Variants in ARHGAP18 observed in about 807,000 individuals in gnomAD.
ARHGAP18 encodes the protein rho GTPase-activating protein 18.
In ARHGAP18, 67 loss-of-function variants were observed where a neutral mutation model predicts 86.2. That is an observed-to-expected ratio of 0.78 (90% CI 0.64 to 0.95). ARHGAP18 has a LOEUF of 0.95. Among genes scored for constraint, ARHGAP18 ranks in the 40% least tolerant of loss-of-function variants. ARHGAP18 has a pLI of 0.00. For missense variants in ARHGAP18, 691 were observed against 780.4 expected (o/e 0.89, Z 1.37); for synonymous variants, 283 against 280.4 (o/e 1.01, Z -0.09).
chr6:129,662,005 C>CTTGGTTT, intron 1 of ARHGAP18: 4 of 869,792 alleles, frequency 4.6e-6, no homozygotes, highest in Non-Finnish European at 5.5e-6. Context: ...ACACAAAGCC[C>CTTGGTTT]CTGAAACCAA....
chr6:129,604,813 T>C (rs960585469), intron 10 of ARHGAP18, among the ~76,000 whole-genome samples: 2 of 152,210 alleles, frequency 1.3e-5, no homozygotes, highest in Non-Finnish European at 2.9e-5. Flanking sequence ...CCTTTGGAAG[T>C]TCTCCTGTAG....
intron 5 of ARHGAP18, among the ~76,000 whole-genome samples, chr6:129,621,782 C>T (rs754763507): frequency 6.6e-6 from 1 of 151,666 alleles, no homozygotes; most frequent in Non-Finnish European, 1.5e-5. Flanking sequence ...ATTATCTTAT[C>T]GAAAAACAGT....
At chr6:129,625,679 A>T (rs1473942229) in intron 5 of ARHGAP18, among the ~76,000 whole-genome samples, 1 of 70,526 alleles carries the variant, frequency 1.4e-5, no homozygotes, top group African/African-American at 5.4e-5. Context: ...ATTATATTAT[A>T]TATATTTATA....
At chr6:129,697,928 CATTA>C (rs1417130841) in intron 1 of ARHGAP18, among the ~76,000 whole-genome samples, 1 of 152,152 alleles carries the variant, frequency 6.6e-6, no homozygotes, top group Non-Finnish European at 1.5e-5. Context: ...TTAGTAAAAA[CATTA>C]ATTATAGAAT....
At chr6:129,579,124 T>C (rs1788237193) in intron 14 of ARHGAP18, among the ~76,000 whole-genome samples, 1 of 152,218 alleles carries the variant, frequency 6.6e-6, no homozygotes, top group Non-Finnish European at 1.5e-5. Context: ...ATACTTTGTA[T>C]GATAGGCTTT....
intron 3 of ARHGAP18, among the ~76,000 whole-genome samples, chr6:129,637,344 A>C (rs949012001): frequency 4.6e-5 from 7 of 152,118 alleles, no homozygotes; most frequent in African/African-American, 1.7e-4. Context: ...CACCACACCC[A>C]GCCTCTCAAA....
At chr6:129,679,581 G>A (rs1226621832) in intron 1 of ARHGAP18, among the ~76,000 whole-genome samples, 2 of 152,212 alleles carry the variant, frequency 1.3e-5, no homozygotes, top group Non-Finnish European at 1.5e-5. Flanking sequence ...TTAGAGGGCT[G>A]CTTTTGGAAA....
intron 1 of ARHGAP18, among the ~76,000 whole-genome samples, chr6:129,686,603 C>T (rs1324222939): frequency 6.6e-6 from 1 of 152,178 alleles, no homozygotes. Context: ...GAGAAAGCCA[C>T]CCACCTGGAT....
At chr6:129,628,586 C>T (rs958627070) in intron 5 of ARHGAP18, among the ~76,000 whole-genome samples, 17 of 152,102 alleles carry the variant, frequency 1.1e-4, no homozygotes, top group African/African-American at 4.1e-4. Context: ...AATAAAGGGA[C>T]CATCTGATAC....
At position 129,619,563 on chromosome 6, in the gene ARHGAP18, G is replaced by C. The variant is rs577424813; in HGVS notation, c.787-711C>G. 9.6e-5 allele frequency among the ~76,000 whole-genome samples: 10 copies of C among 103,758 alleles called. No individual in the cohort carries two copies. The South Asian group carries it at 3.5e-3, about 36-fold the overall frequency. 68.1% of individuals were successfully genotyped at this position (103,758 alleles called of 152,430 possible). A position where few individuals can be genotyped will look rare whatever the true frequency, so the allele number is the denominator to read the frequency against. The stretch of plus-strand genomic sequence containing the variant: ...GGAGAGAGAAAAGGAAGGGGAGTGG[G>C]CAAGGGGAGAGGGAAAAGGAAGGGG... On this transcript the variant is annotated intron_variant, in intron 5 of 14. Coordinates refer to ENST00000368149, the MANE Select transcript of ARHGAP18 (RefSeq NM_033515.3).
At chr6:129,588,545 C>G (rs1363729967) in intron 12 of ARHGAP18, among the ~76,000 whole-genome samples, 1 of 152,222 alleles carries the variant, frequency 6.6e-6, no homozygotes, top group Non-Finnish European at 1.5e-5. Context: ...GGGTACAGAC[C>G]CCCTCCCGGC....
chr6:129,655,317 C>CAAAAAAAAAAAAAAAAAAAAAAAA (rs55681217), intron 1 of ARHGAP18, among the ~76,000 whole-genome samples: 1 of 75,076 alleles, frequency 1.3e-5, no homozygotes, highest in African/African-American at 4.8e-5. Flanking sequence ...AAAACTCTCT[C>CAAAAAAAAAAAAAAAAAAAAAAAA]AAAAAAAAAA....
intron 1 of ARHGAP18, among the ~76,000 whole-genome samples, chr6:129,684,782 C>G (rs1774398215): frequency 6.6e-6 from 1 of 152,118 alleles, no homozygotes; most frequent in Non-Finnish European, 1.5e-5. Flanking sequence ...ATCATGAAAG[C>G]CAAGAAATTT....
chr6:129,591,666 A>G (rs1788517715), intron 12 of ARHGAP18, among the ~76,000 whole-genome samples: 1 of 152,182 alleles, frequency 6.6e-6, no homozygotes, highest in African/African-American at 2.4e-5. Flanking sequence ...TCTAGAGATT[A>G]GAAATTTAAT....
chr6:129,654,667 G>C (rs1289121435), intron 1 of ARHGAP18, among the ~76,000 whole-genome samples: 1 of 152,210 alleles, frequency 6.6e-6, no homozygotes, highest in Non-Finnish European at 1.5e-5. Context: ...TCTATAGAAA[G>C]CTGATTCTGT....
intron 1 of ARHGAP18, among the ~76,000 whole-genome samples, chr6:129,683,220 C>A (rs1488848356): frequency 1.3e-5 from 2 of 152,054 alleles, no homozygotes; most frequent in South Asian, 4.2e-4. Flanking sequence ...TACAGGCACT[C>A]GCCACCACGC....
intron 13 of ARHGAP18, among the ~76,000 whole-genome samples, chr6:129,581,178 G>C (rs1788279071): frequency 6.6e-6 from 1 of 152,200 alleles, no homozygotes; most frequent in African/African-American, 2.4e-5. Context: ...AATCAGGTCT[G>C]ACTTGTATTC....
At chr6:129,674,831 A>G (rs766901560) in intron 1 of ARHGAP18, among the ~76,000 whole-genome samples, 12 of 152,166 alleles carry the variant, frequency 7.9e-5, no homozygotes, top group Non-Finnish European at 1.6e-4. Flanking sequence ...CAAGAGTTAA[A>G]TTATAAATCC....
rs565055559 is a variant in ARHGAP18 at position 129,671,451 on chromosome 6, T to G, written c.114-29433A>C. ...CAGTGGCTTATGCCTATAACCTCAG[T>G]GCTTTGGGAGGCTAAAGTGGGAAGA... On this transcript the variant is annotated intron_variant, in intron 1 of 14. Transcript: ENST00000368149. 5.3e-5 allele frequency among the ~76,000 whole-genome samples: 8 copies of G among 152,272 alleles called. No individual in the cohort carries two copies. The South Asian group carries it at 1.7e-3, about 32-fold the overall frequency.
Sources: allele counts gnomAD v4.1 joint callset (sites outside exome capture counted in the v4.1 genomes callset), GRCh38; gene constraint gnomAD v4.1.1; transcripts MANE v1.5; gene names NCBI Gene and HGNC (gene_info 2026-07-23, HGNC 2026-07-21).